The following IPO4 variants were observed in gnomAD, a reference collection of about 807,000 sequenced individuals.
IPO4 encodes importin 4, also known as importin-4.
A neutral mutation model predicts 133.5 loss-of-function variants in IPO4; 91 were observed. The ratio of observed to expected loss-of-function variants is 0.68; its 90% confidence interval spans 0.58 to 0.81. The LOEUF (loss-of-function observed/expected upper bound fraction) is 0.81, where lower values mean the gene tolerates loss of function less well. Among genes scored for constraint, IPO4 ranks in the 30% least tolerant of loss-of-function variants. The pLI, the probability that IPO4 is intolerant of heterozygous loss-of-function variation, is 0.00. For synonymous variants in IPO4, 607 were observed against 581.6 expected (o/e 1.04, Z -0.63); for missense variants, 1,279 against 1,386.2 (o/e 0.92, Z 1.23).
intron 6 of IPO4, 112 bp downstream of exon 6, chr14:24,187,288 C>G (rs2039237494): frequency 9.5e-6 from 14 of 1,471,826 alleles, no homozygotes; most frequent in Non-Finnish European, 1.3e-5. Flanking sequence ...TCTCAATTGT[C>G]AGGAAGGGCC....
rs555910130 is a variant in IPO4 at position 24,181,935 on chromosome 14, G to A, written c.2807+20C>T. Reference sequence around the variant, plus strand: ...ACTCCCCCAACCTCCAGTCCCTCCCGTCCTGCGAGCCAAGGATACTCCTGG... The same window carrying A: ...ACTCCCCCAACCTCCAGTCCCTCCCATCCTGCGAGCCAAGGATACTCCTGG... On this transcript the variant is annotated intron_variant, in intron 26 of 29. Coordinates refer to ENST00000354464, the MANE Select transcript of IPO4 (RefSeq NM_024658.4). The A allele has an allele frequency of 3.2e-5, 51 of 1,609,356 alleles. No individual in the cohort carries two copies. In the Admixed American group the frequency reaches 3.8e-4, roughly 12 times the overall value.
rs373406864 is a variant in IPO4, at chr14:24,185,315, G to T, written c.1279-3C>A. On this transcript the variant is annotated splice_polypyrimidine_tract_variant and splice_region_variant and intron_variant, in intron 13 of 29. Coordinates refer to ENST00000354464, the MANE Select transcript of IPO4 (RefSeq NM_024658.4). ...CTTGAATAGCTGCTGATATGGGGCTGGGGGAGGGAGCAAGCAGGGCCTGAG... is the reference window on the plus strand; with the variant it reads ...CTTGAATAGCTGCTGATATGGGGCTTGGGGAGGGAGCAAGCAGGGCCTGAG... The T allele has an allele frequency of 2.5e-6, 4 of 1,613,520 alleles. No individual in the cohort carries two copies. In the African/African-American group the frequency reaches 4.0e-5, roughly 16 times the overall value.
Position 24,186,149 on chromosome 14 carries a change from C to CG in IPO4, c.1038dup (p.Glu347ArgfsTer35), listed in dbSNP as rs2039219193. 1 of 1,613,912 alleles carries CG rather than the reference C, an allele frequency of 6.2e-7. No homozygotes were observed. Among genetic ancestry groups the CG allele is most frequent in the South Asian group, 1.1e-5 (1 of 91,068 alleles). On this transcript the variant is annotated frameshift_variant, in exon 11 of 30. Coordinates refer to ENST00000354464, the MANE Select transcript of IPO4 (RefSeq NM_024658.4). LOFTEE classifies it high-confidence loss of function. ...CTTACCAGCTGGGGACAGAGCTTCT[C>CG]GGGGGGCAGGTGTAGTGCCAGCATG...
At chr14:24,186,011 G>A (rs1384174242) in intron 11 of IPO4, 41 bp from the exon 12 acceptor site, 1 of 1,602,840 alleles carries the variant, frequency 6.2e-7, no homozygotes, top group Non-Finnish European at 8.5e-7. Flanking sequence ...CCCAGCAAGA[G>A]CCTGCCCATT....
At position 24,185,121 on chromosome 14, in the gene IPO4, G is replaced by A. The variant is rs2039200439; in HGVS notation, c.1408+62C>T. ...AGCAATGCAGGGAGATGCACATCCT[G>A]TACATTCAGCCAAAGCCGCCGCCTC... On this transcript the variant is annotated intron_variant, in intron 14 of 29. Coordinates refer to ENST00000354464, the MANE Select transcript of IPO4 (RefSeq NM_024658.4). 6 of 1,606,736 alleles carry A rather than the reference G, an allele frequency of 3.7e-6. No individual in the cohort carries two copies. In the African/African-American group the frequency reaches 4.0e-5, roughly 11 times the overall value.
intron 16 of IPO4, 88 bp from the exon 17 acceptor site, chr14:24,184,506 G>A (rs965625787): frequency 2.7e-5 from 40 of 1,490,500 alleles, no homozygotes; most frequent in South Asian, 3.9e-5. Context: ...CAGAAATCCC[G>A]CCCCACCCCT....
At chr14:24,181,454 T>G (rs2039134605) in intron 28 of IPO4, 59 bp downstream of exon 28, 1 of 1,401,130 alleles carries the variant, frequency 7.1e-7, no homozygotes, top group South Asian at 1.2e-5. Context: ...CAGCAGACAG[T>G]GCCTATCACT....
chr14:24,183,186 C>T lies in IPO4; in HGVS notation c.2228-17G>A, dbSNP rs1047578448. The T allele has an allele frequency of 1.6e-5, 26 of 1,609,746 alleles. No homozygotes were observed. Among genetic ancestry groups the T allele is most frequent in the Non-Finnish European group, 2.1e-5 (25 of 1,176,800 alleles). ...CCTGCAAAGCTGGGGACATTATTGG[C>T]TGAAGCACCAGTCAGGCCCTGCCCC... On this transcript the variant is annotated splice_polypyrimidine_tract_variant and intron_variant, in intron 22 of 29. Transcript: ENST00000354464.
At position 24,183,251 on chromosome 14, in the gene IPO4, A is replaced by G. The variant is rs767375699; in HGVS notation, c.2226T>C (p.Ala742=). 1 of 1,613,266 alleles carries G rather than the reference A, an allele frequency of 6.2e-7. No individual in the cohort carries two copies. Among genetic ancestry groups the G allele is most frequent in the South Asian group, 1.1e-5 (1 of 90,994 alleles). Residue 742 remains alanine (A), a splice_region_variant and synonymous_variant, in exon 22 of 30, where the codon GCT becomes GCC. Transcript: ENST00000354464. ...CQSCPSEPNT[A]ALQAALARVV... is the part of the protein sequence containing the mutation. ...CAGCCTGGCCCAGCCTCTCCTCACCAGCAGTGTTGGGTTCCGAGGGGCAGC... is the reference window on the plus strand; with the variant it reads ...CAGCCTGGCCCAGCCTCTCCTCACCGGCAGTGTTGGGTTCCGAGGGGCAGC...
intron 27 of IPO4, 22 bp downstream of exon 27, chr14:24,181,689 G>A (rs2039138847): frequency 1.2e-6 from 2 of 1,608,854 alleles, no homozygotes; most frequent in Non-Finnish European, 1.7e-6. Context: ...TCCAAGCCCT[G>A]CCTGATGTCT....
rs755630919 is a variant in IPO4 at position 24,184,018 on chromosome 14, G to A, written c.1849C>T (p.Arg617Cys). ...QITTLMLLSL[R>C]STEGIVPQYD... is the part of the protein sequence containing the mutation. ...CTCACCACAATGCCCTCGGTGGAACGCAGTGACAGCAGCATGAGCGTGGTG... is the reference window on the plus strand; with the variant it reads ...CTCACCACAATGCCCTCGGTGGAACACAGTGACAGCAGCATGAGCGTGGTG... The change falls in exon 18 of 30, where the codon CGT (arginine) becomes TGT (cysteine). Residue 617 changes from arginine to cysteine, a missense_variant. Arg to Cys is a radical substitution (Grantham distance 180, BLOSUM62 -3). Coordinates refer to ENST00000354464, the MANE Select transcript of IPO4 (RefSeq NM_024658.4). 6.6e-6 allele frequency: 10 copies of A among 1,516,600 alleles called. No homozygotes were observed. Among genetic ancestry groups the A allele is most frequent in the African/African-American group, 5.8e-5 (4 of 69,306 alleles). The allele number at this position is 1,516,600 out of a possible 1,614,324, so 93.9% of individuals were successfully genotyped here.
rs201204079 is a variant in IPO4 at position 24,183,087 on chromosome 14, G to C, written c.2310C>G (p.Ala770=). The change falls in exon 23 of 30, where the codon GCC becomes GCG. Residue 770 remains alanine, a synonymous_variant. Coordinates refer to ENST00000354464, the MANE Select transcript of IPO4 (RefSeq NM_024658.4). ...GCACCCCTGTCAGGGCCTCCAGCAC[G>C]GCCATCACCACCTGGCGTTCCCGCT... ...NRERERQVVM[A]VLEALTGVLR... 2 of 1,613,696 alleles carry C rather than the reference G, an allele frequency of 1.2e-6. No homozygotes were observed. The highest frequency in any genetic ancestry group is 1.3e-5 in the African/African-American group (1 of 74,916).
chr14:24,188,290 G>T, intron 3 of IPO4, 33 bp from the exon 4 acceptor site: 1 of 1,612,992 alleles, frequency 6.2e-7, no homozygotes, highest in Non-Finnish European at 8.5e-7. Context: ...TTGGTACCCA[G>T]CCTGCCCAAG....
chr14:24,183,346 G>C lies in IPO4; in HGVS notation c.2131C>G (p.Leu711Val), dbSNP rs921633468. The change falls in exon 22 of 30, where the codon CTG (leucine) becomes GTG (valine). Residue 711 changes from leucine (L) to valine (V), a missense_variant. Physicochemically the swap from Leu to Val is conservative, Grantham distance 32. This residue lies in a region of IPO4 where 575 missense variants were observed against 653.4 expected (regional missense o/e 0.88). Transcript: ENST00000354464. ...EVFKLLECPH[L>V]NVRKAAHEAL... ...TCATGGGCTGCCTTCCGCACATTCA[G>C]GTGAGGGCACTGCAGGATGAGGAGG... 11 of 1,610,026 alleles carry C rather than the reference G, an allele frequency of 6.8e-6. No homozygotes were observed. In the African/African-American group the frequency reaches 1.1e-4, roughly 16 times the overall value.
In IPO4 at chr14:24,183,887, G is replaced by C; in HGVS notation, c.1881C>G (p.Asp627Glu). The C allele has an allele frequency of 1.9e-6, 3 of 1,613,956 alleles. No homozygotes were observed. The highest frequency in any genetic ancestry group is 2.5e-6 in the Non-Finnish European group (3 of 1,180,020). Reference protein sequence around the residue: ...RSTEGIVPQYDGSSSFLLFDD... With the variant: ...RSTEGIVPQYEGSSSFLLFDD... Reference sequence around the variant, plus strand: ...CAAACAGAAGGAAGGAGCTGCTCCCGTCATACTGAGGCTGGAGCGGAGGCA... The same window carrying C: ...CAAACAGAAGGAAGGAGCTGCTCCCCTCATACTGAGGCTGGAGCGGAGGCA... The change falls in exon 19 of 30, where the codon GAC becomes GAG. Residue 627 changes from aspartate to glutamate, a missense_variant. Asp to Glu is a conservative substitution (Grantham distance 45, BLOSUM62 2). This residue lies in a region of IPO4 where 575 missense variants were observed against 653.4 expected (regional missense o/e 0.88). Transcript: ENST00000354464.
intron 1 of IPO4, 38 bp from the exon 2 acceptor site, chr14:24,188,676 G>A: frequency 6.3e-7 from 1 of 1,599,388 alleles, no homozygotes. Flanking sequence ...GGCCTTTCCC[G>A]CAACCTCCCG....
intron 28 of IPO4, 24 bp downstream of exon 28, chr14:24,181,489 G>A (rs993592304): frequency 1.3e-6 from 2 of 1,545,014 alleles, no homozygotes; most frequent in Non-Finnish European, 1.8e-6. Flanking sequence ...GTTCCCCTCT[G>A]AGGGCTGCCA....
At position 24,187,561 on chromosome 14, in the gene IPO4, T is replaced by G. The variant is rs761593926; in HGVS notation, c.427A>C (p.Ser143Arg). The change falls in exon 6 of 30, where the codon AGT becomes CGT. Residue 143 changes from serine to arginine, a missense_variant. Transcript: ENST00000354464. ...TCGGGCCGGGAGGTCACCACCACACTTAGCAGCAAAAGCCCCATCTGTCCA... is the reference window on the plus strand; with the variant it reads ...TCGGGCCGGGAGGTCACCACCACACGTAGCAGCAAAAGCCCCATCTGTCCA... ...PEREMGLLLL[S>R]VVVTSRPEAF... is the part of the protein sequence containing the mutation. 13 of 1,614,138 alleles carry G rather than the reference T, an allele frequency of 8.1e-6. No homozygotes were observed. The highest frequency in any genetic ancestry group is 1.0e-5 in the Non-Finnish European group (12 of 1,180,030).
rs759320619 is a variant in IPO4 at position 24,188,769 on chromosome 14, C to G, written c.19G>C (p.Glu7Gln). 5.3e-6 allele frequency: 8 copies of G among 1,516,176 alleles called. No individual in the cohort carries two copies. The highest frequency in any genetic ancestry group is 2.0e-4 in the Middle Eastern group (1 of 4,888). The allele number at this position is 1,516,176 out of a possible 1,614,324, so 93.9% of individuals were successfully genotyped here. The change falls in exon 1 of 30, where the codon GAG becomes CAG. Residue 7 changes from glutamate to glutamine, a missense_variant. Coordinates refer to ENST00000354464, the MANE Select transcript of IPO4 (RefSeq NM_024658.4). MESAGLEQLLRELLLPD... is the reference protein window; with the variant it reads MESAGLQQLLRELLLPD... The stretch of plus-strand genomic sequence containing the variant: ...AGCAGCAGCTCCCGTAGGAGCTGCT[C>G]TAGCCCGGCTGACTCCATGGCAGCA...
Sources: gnomAD v4.1 joint callset for allele counts on GRCh38, gnomAD v4.1.1 for gene constraint, gnomAD v4.1.1 regional missense constraint, MANE v1.5 for transcripts, NCBI Gene and HGNC (gene_info 2026-07-23, HGNC 2026-07-21) for gene names.